Variants in PBX3 observed in about 807,000 individuals in gnomAD.
PBX3 encodes pre-B-cell leukemia transcription factor 3.
In PBX3, 14 loss-of-function variants were observed where a neutral mutation model predicts 48.5. The ratio of observed to expected loss-of-function variants is 0.29; its 90% CI spans 0.19 to 0.45. PBX3 has a LOEUF of 0.45. Ranked by LOEUF, PBX3 falls within the 20% of genes least tolerant of loss-of-function variation. The probability of loss-of-function intolerance (pLI) is 1.00; values close to 1 mark genes in which losing one functional copy is unlikely to be tolerated. For missense variants in PBX3, 386 were observed against 546.7 expected, an observed-to-expected ratio of 0.71 and a Z score of 2.93; for synonymous variants, 210 against 200.3, an observed-to-expected ratio of 1.05 and a Z score of -0.41.
At chr9:125,783,974 C>T (rs1837393430) in intron 2 of PBX3, among the ~76,000 whole-genome samples, 1 of 152,062 alleles carries the variant, frequency 6.6e-6, no homozygotes, top group Non-Finnish European at 1.5e-5. Context: ...GCACTGCAGC[C>T]TGAGTGACAG....
chr9:125,961,211 A>T (rs995183925), intron 6 of PBX3, among the ~76,000 whole-genome samples: 1 of 152,212 alleles, frequency 6.6e-6, no homozygotes, highest in Non-Finnish European at 1.5e-5. Flanking sequence ...GAAGTGGGAA[A>T]TGCAGCAGTT....
At chr9:125,876,616 T>G (rs1037884290) in intron 2 of PBX3, among the ~76,000 whole-genome samples, 3 of 152,198 alleles carry the variant, frequency 2.0e-5, no homozygotes, top group African/African-American at 7.2e-5. Context: ...ATCGACTGTT[T>G]CTGTTATCAG....
At chr9:125,911,702 C>T (rs1841206807) in intron 2 of PBX3, among the ~76,000 whole-genome samples, 1 of 151,854 alleles carries the variant, frequency 6.6e-6, no homozygotes, top group South Asian at 2.1e-4. Flanking sequence ...ATTACAGCGA[C>T]GTCGTAGGCC....
At chr9:125,792,997 C>T (rs933781408) in intron 2 of PBX3, among the ~76,000 whole-genome samples, 7 of 151,812 alleles carry the variant, frequency 4.6e-5, no homozygotes, top group African/African-American at 7.2e-5. Context: ...CGCGCCCGGC[C>T]GAGGTATACT....
intron 2 of PBX3, among the ~76,000 whole-genome samples, chr9:125,763,061 T>C (rs1836710593): frequency 6.6e-6 from 1 of 152,216 alleles, no homozygotes; most frequent in Non-Finnish European, 1.5e-5. Context: ...AAGTATCTGG[T>C]TTATATTCCT....
In PBX3 at chr9:125,793,366, A is replaced by AAAT. The variant is rs59271982; in HGVS notation, c.274+44744_274+44745insATA. Among the ~76,000 whole-genome samples the AAAT allele has an allele frequency of 7.2e-3, 731 of 101,932 alleles. 12 individuals carry two copies. Among genetic ancestry groups the AAAT allele is most frequent in the African/African-American group, 0.024 (578 of 23,690 alleles). The allele number at this position is 101,932 out of a possible 152,430, so 66.9% of individuals were successfully genotyped here. A position where few individuals can be genotyped will look rare whatever the true frequency, so the allele number is the denominator to read the frequency against. On this transcript the variant is annotated intron_variant, in intron 2 of 8. Transcript: ENST00000373489. The stretch of plus-strand genomic sequence containing the variant: ...GACTCCATTTGGGGGGGAAAAAAAA[A>AAAT]ATATATATATATATATATATATATA...
chr9:125,894,492 T>C lies in PBX3; in HGVS notation c.275-21194T>C, dbSNP rs182003877. Among the ~76,000 whole-genome samples, 4 of 152,288 alleles carry C rather than the reference T, an allele frequency of 2.6e-5. No individual in the cohort carries two copies. In the East Asian group the frequency reaches 7.7e-4, roughly 29 times the overall value. ...TTTGTTAACATGTGCCTGTTTTTTT[T>C]GCTCTAGCACAAGACTAGTTGCTTT... On this transcript the variant is annotated intron_variant, in intron 2 of 8. Coordinates refer to ENST00000373489, the MANE Select transcript of PBX3 (RefSeq NM_006195.6).
At chr9:125,931,747 T>C (rs1564178983) in intron 4 of PBX3, among the ~76,000 whole-genome samples, 1 of 152,176 alleles carries the variant, frequency 6.6e-6, no homozygotes, top group African/African-American at 2.4e-5. Context: ...TGAACAAATA[T>C]ACCATAACAT....
rs1837679626 is a variant in PBX3 at position 125,793,381 on chromosome 9, A to ATATATATG, written c.274+44765_274+44766insGTATATAT. On this transcript the variant is annotated intron_variant, in intron 2 of 8. Transcript: ENST00000373489. The stretch of plus-strand genomic sequence containing the variant: ...GGAAAAAAAAAATATATATATATAT[A>ATATATATG]TATATATATATTTACTATTAAGTGG... Among the ~76,000 whole-genome samples the ATATATATG allele has an allele frequency of 5.6e-5, 8 of 142,804 alleles. No homozygotes were observed. The South Asian group carries it at 1.7e-3, about 31-fold the overall frequency. The allele number at this position is 142,804 out of a possible 152,430, so 93.7% of individuals were successfully genotyped here.
intron 2 of PBX3, among the ~76,000 whole-genome samples, chr9:125,826,686 T>C (rs1233231883): frequency 3.3e-5 from 5 of 152,152 alleles, no homozygotes; most frequent in African/African-American, 1.2e-4. Flanking sequence ...ACTTATTGTG[T>C]GATGACTTTA....
intron 2 of PBX3, among the ~76,000 whole-genome samples, chr9:125,780,419 C>A (rs1423451589): frequency 4.0e-4 from 5 of 12,446 alleles, no homozygotes; most frequent in Non-Finnish European, 5.9e-4. Flanking sequence ...GGGGCTGACC[C>A]CCCCCCCACC....
At chr9:125,816,829 C>T (rs1838479435) in intron 2 of PBX3, among the ~76,000 whole-genome samples, 1 of 152,176 alleles carries the variant, frequency 6.6e-6, no homozygotes, top group Non-Finnish European at 1.5e-5. Context: ...GCCATACCTT[C>T]TTTAACATAG....
chr9:125,909,003 A>G (rs1180142934), intron 2 of PBX3, among the ~76,000 whole-genome samples: 4 of 152,050 alleles, frequency 2.6e-5, no homozygotes, highest in Non-Finnish European at 5.9e-5. Flanking sequence ...CATACTTCAT[A>G]TCTTGCCCTA....
rs150874436 is a variant in PBX3 at position 125,747,615 on chromosome 9, G to A, written c.162G>A (p.Met54Ile). 2.8e-5 allele frequency: 45 copies of A among 1,600,108 alleles called. No homozygotes were observed. Among genetic ancestry groups the A allele is most frequent in the Non-Finnish European group, 3.7e-5 (44 of 1,173,706 alleles). ...TCGGCGACATCCTCCACCAGATCATGACCATCACCGACCAGAGCTTGGACG... is the reference window on the plus strand; with the variant it reads ...TCGGCGACATCCTCCACCAGATCATAACCATCACCGACCAGAGCTTGGACG... ...QDIGDILHQI[M>I]TITDQSLDEA... The change falls in exon 1 of 9, where the codon ATG becomes ATA. Residue 54 changes from methionine to isoleucine, a missense_variant. Physicochemically the swap from Met to Ile is conservative, Grantham distance 10. This residue lies in a region of PBX3 where 116 missense variants were observed against 98.2 expected (regional missense o/e 1.18). Transcript: ENST00000373489.
At position 125,905,369 on chromosome 9, in the gene PBX3, A is replaced by C. The variant is rs374207919; in HGVS notation, c.275-10317A>C. ...AGGGAAAATGTTTTTAATTGTTCTA[A>C]TGAGGAATACTGCATTTAATTGCTG... On this transcript the variant is annotated intron_variant, in intron 2 of 8. Transcript: ENST00000373489. Among the ~76,000 whole-genome samples, 22 of 152,126 alleles carry C rather than the reference A, an allele frequency of 1.4e-4. No homozygotes were observed. The East Asian group carries it at 1.9e-3, about 13-fold the overall frequency.
At chr9:125,827,497 T>C (rs1564676916) in intron 2 of PBX3, among the ~76,000 whole-genome samples, 1 of 152,242 alleles carries the variant, frequency 6.6e-6, no homozygotes, top group South Asian at 2.1e-4. Context: ...CATACGTGTA[T>C]TTACAAATAA....
chr9:125,749,898 A>G (rs2131942943), intron 2 of PBX3, among the ~76,000 whole-genome samples: 1 of 152,330 alleles, frequency 6.6e-6, no homozygotes, highest in East Asian at 1.9e-4. Flanking sequence ...AAGGGAGGCC[A>G]AAGAGTACTT....
intron 2 of PBX3, among the ~76,000 whole-genome samples, chr9:125,879,935 T>C (rs1432874583): frequency 6.6e-6 from 1 of 152,244 alleles, no homozygotes; most frequent in Non-Finnish European, 1.5e-5. Flanking sequence ...GTTACCTAAC[T>C]TCTGTTAGTT....
intron 3 of PBX3, among the ~76,000 whole-genome samples, chr9:125,924,781 T>G (rs1255429537): frequency 6.6e-6 from 1 of 152,198 alleles, no homozygotes; most frequent in Non-Finnish European, 1.5e-5. Flanking sequence ...TGGATGCAAG[T>G]TTTTCAAAAT....
Sources: allele counts gnomAD v4.1 joint callset (sites outside exome capture counted in the v4.1 genomes callset), GRCh38; gene constraint gnomAD v4.1.1; regional missense constraint gnomAD v4.1.1; transcripts MANE v1.5; gene names NCBI Gene and HGNC (gene_info 2026-07-23, HGNC 2026-07-21).